Variants in USP53 observed in about 807,000 individuals in gnomAD.
The protein encoded by USP53 is ubiquitin specific peptidase 53.
USP53 carries 71 observed loss-of-function variants against 94.9 expected under a neutral mutation model. The observed-to-expected ratio is 0.75, with a 90% CI of 0.62 to 0.91. The LOEUF (loss-of-function observed/expected upper bound fraction) is 0.91, where lower values mean the gene tolerates loss of function less well. Ranked by LOEUF, USP53 falls within the 40% of genes least tolerant of loss-of-function variation. The pLI, the probability that USP53 is intolerant of heterozygous loss-of-function variation, is 0.00. For synonymous variants in USP53, 375 were observed against 422.7 expected, an observed-to-expected ratio of 0.89 and a Z score of 1.39; for missense variants, 1,173 against 1,281.0, an observed-to-expected ratio of 0.92 and a Z score of 1.29.
At position 119,252,115 on chromosome 4, in the gene USP53, T is replaced by A. The variant is rs532068925; in HGVS notation, c.372+3233T>A. On this transcript the variant is annotated intron_variant, in intron 7 of 18. Coordinates refer to ENST00000692078, the MANE Select transcript of USP53 (RefSeq NM_001371395.1). The stretch of plus-strand genomic sequence containing the variant: ...ATCATGGCGGATAAGCTTTTTGATG[T>A]GCTGCTGGATTCGGTTTGCCAGAAT... Among the ~76,000 whole-genome samples the A allele has an allele frequency of 3.3e-5, 5 of 152,344 alleles. No homozygotes were observed. The East Asian group carries it at 5.8e-4, about 18-fold the overall frequency.
intron 17 of USP53, among the ~76,000 whole-genome samples, chr4:119,279,632 G>C (rs1177119310): frequency 6.6e-6 from 1 of 151,560 alleles, no homozygotes; most frequent in Non-Finnish European, 1.5e-5. Context: ...GCTCCACCCA[G>C]TTCGAGCTTC....
At chr4:119,231,498 T>A (rs2149301002) in intron 3 of USP53, among the ~76,000 whole-genome samples, 1 of 152,258 alleles carries the variant, frequency 6.6e-6, no homozygotes, top group Non-Finnish European at 1.5e-5. Flanking sequence ...ACCAACAGTA[T>A]TTTAATATTT....
intron 17 of USP53, among the ~76,000 whole-genome samples, chr4:119,284,375 T>G (rs1753850144): frequency 6.6e-6 from 1 of 151,734 alleles, no homozygotes; most frequent in Non-Finnish European, 1.5e-5. Flanking sequence ...TTTCCATTAA[T>G]AGAGATATTA....
In USP53 at chr4:119,294,107, T is replaced by G. The variant is rs1755053267; in HGVS notation, c.*896T>G. ...TTATATGAAATGTGAAAGGTCTTTA[T>G]TTTGGTTTGGTTTACTTTGGGCTGC... On this transcript the variant is annotated 3_prime_UTR_variant, in exon 19 of 19. Transcript: ENST00000692078. The G allele has an allele frequency of 6.6e-6, 1 of 152,088 alleles. No individual in the cohort carries two copies. The highest frequency in any genetic ancestry group is 2.4e-5 in the African/African-American group (1 of 41,440). The allele number at this position is 152,088 out of a possible 1,614,324, so 9.4% of individuals were successfully genotyped here.
At chr4:119,279,369 G>A (rs1174290789) in intron 17 of USP53, among the ~76,000 whole-genome samples, 11 of 150,072 alleles carry the variant, frequency 7.3e-5, no homozygotes, top group African/African-American at 9.9e-5. Context: ...CGTGTGAGGT[G>A]TCAGTGTGCC....
At chr4:119,241,351 C>T (rs1341973223) in intron 5 of USP53, among the ~76,000 whole-genome samples, 1 of 152,156 alleles carries the variant, frequency 6.6e-6, no homozygotes, top group African/African-American at 2.4e-5. Context: ...CATAGATCCA[C>T]ATTCCATCTG....
intron 17 of USP53, among the ~76,000 whole-genome samples, chr4:119,288,752 T>C (rs557112116): frequency 5.3e-5 from 8 of 151,908 alleles, no homozygotes; most frequent in Non-Finnish European, 1.2e-4. Flanking sequence ...GCCTGACCAA[T>C]ATGAAGAAAC....
chr4:119,220,370 GA>G (rs2149263929), intron 3 of USP53: 1 of 152,250 alleles, frequency 6.6e-6, no homozygotes, highest in South Asian at 2.1e-4. Flanking sequence ...AAATTGTATT[GA>G]GATATTCAGT....
intron 17 of USP53, among the ~76,000 whole-genome samples, chr4:119,288,664 C>T (rs1299301012): frequency 1.3e-5 from 2 of 152,132 alleles, no homozygotes; most frequent in African/African-American, 2.4e-5. Context: ...CAGCCGGGCA[C>T]GGTGGCTGAC....
At chr4:119,234,626 A>G (rs1196269984) in intron 3 of USP53, among the ~76,000 whole-genome samples, 3 of 152,202 alleles carry the variant, frequency 2.0e-5, no homozygotes, top group Admixed American at 2.0e-4. Flanking sequence ...AAAATGTACT[A>G]CCAATATAGA....
chr4:119,229,908 CT>C (rs1357631445), intron 3 of USP53, among the ~76,000 whole-genome samples: 9 of 152,174 alleles, frequency 5.9e-5, no homozygotes, highest in Admixed American at 5.9e-4. Flanking sequence ...GATCTGACCC[CT>C]GGTTCTGTCT....
intron 2 of USP53, among the ~76,000 whole-genome samples, chr4:119,215,717 A>G (rs1743645961): frequency 1.3e-5 from 2 of 152,160 alleles, no homozygotes; most frequent in South Asian, 4.1e-4. Context: ...TGTCCATGAT[A>G]CAAGAAAAGG....
intron 17 of USP53, among the ~76,000 whole-genome samples, chr4:119,274,301 T>C (rs1220991235): frequency 7.3e-6 from 1 of 137,182 alleles, no homozygotes; most frequent in East Asian, 2.2e-4. Flanking sequence ...CCTGTGTCCA[T>C]GTGATCTCAT....
Position 119,267,325 on chromosome 4 carries a change from A to G in USP53, c.978A>G (p.Gly326=), listed in dbSNP as rs762406584. 5 of 1,613,048 alleles carry G rather than the reference A, an allele frequency of 3.1e-6. No homozygotes were observed. The South Asian group carries it at 5.5e-5, about 18-fold the overall frequency. The change falls in exon 13 of 19, where the codon GGA becomes GGG. Residue 326 remains glycine, a synonymous_variant. Coordinates refer to ENST00000692078, the MANE Select transcript of USP53 (RefSeq NM_001371395.1). ...TCATTGTGTTTTTTTAAAAGATTGGAACTAGATGGAAAGATGTTGTCTCCA... is the reference window on the plus strand; with the variant it reads ...TCATTGTGTTTTTTTAAAAGATTGGGACTAGATGGAAAGATGTTGTCTCCA... ...FFDDANVKEI[G]TRWKDVVSKC...
intron 14 of USP53, 61 bp downstream of exon 14, chr4:119,268,481 A>T: frequency 7.0e-7 from 1 of 1,436,026 alleles, no homozygotes; most frequent in South Asian, 1.5e-5. Flanking sequence ...TTCTTCACTT[A>T]TCGGAGGATG....
chr4:119,222,349 A>G (rs977427870), intron 3 of USP53, among the ~76,000 whole-genome samples: 17 of 152,186 alleles, frequency 1.1e-4, no homozygotes, highest in African/African-American at 2.9e-4. Flanking sequence ...GAAATATACA[A>G]TACATTACTG....
chr4:119,271,573 C>G lies in USP53; in HGVS notation c.1713C>G (p.Asn571Lys). The stretch of plus-strand genomic sequence containing the variant: ...GCCAAGATTCTAGGGATAGAGGAAA[C>G]AGCTGTGATAGCAGCAGTAAAAGCC... Reference protein sequence around the residue: ...DSSQDSRDRGNSCDSSSKSRN... With the variant: ...DSSQDSRDRGKSCDSSSKSRN... The change falls in exon 16 of 19, where the codon AAC becomes AAG. Residue 571 changes from asparagine (N) to lysine (K), a missense_variant. Asn to Lys is a moderately conservative substitution (Grantham distance 94). Coordinates refer to ENST00000692078, the MANE Select transcript of USP53 (RefSeq NM_001371395.1). 6.2e-7 allele frequency: 1 copy of G among 1,613,682 alleles called. No individual in the cohort carries two copies. The highest frequency in any genetic ancestry group is 8.5e-7 in the Non-Finnish European group (1 of 1,180,012).
Position 119,256,630 on chromosome 4 carries a change from C to G in USP53, c.569+107C>G, listed in dbSNP as rs542820976. The stretch of plus-strand genomic sequence containing the variant: ...GCATACATGAATTTCCCCTCTCTGT[C>G]TGAGGCTACCAAGTATGCTGCTGTG... On this transcript the variant is annotated intron_variant, in intron 9 of 18. Coordinates refer to ENST00000692078, the MANE Select transcript of USP53 (RefSeq NM_001371395.1). The G allele has an allele frequency of 2.1e-4, 238 of 1,125,118 alleles. 1 individual carries two copies. Among genetic ancestry groups the G allele is most frequent in the Admixed American group, 1.0e-3 (54 of 52,870 alleles). The allele number at this position is 1,125,118 out of a possible 1,614,324, so 69.7% of individuals were successfully genotyped here. A position where few individuals can be genotyped will look rare whatever the true frequency, so the allele number is the denominator to read the frequency against.
chr4:119,293,021 C>CA lies in USP53; in HGVS notation c.3033dup (p.Gly1012ArgfsTer4). 6.2e-7 allele frequency: 1 copy of CA among 1,614,144 alleles called. No homozygotes were observed. The highest frequency in any genetic ancestry group is 2.2e-5 in the East Asian group (1 of 44,888). Reference sequence around the variant, plus strand: ...TCAACTAACGATTTTCAGGCAAACTCAGGTGCCATTGATGCATTTTGCCAA... The same window carrying CA: ...TCAACTAACGATTTTCAGGCAAACTCAAGGTGCCATTGATGCATTTTGCCAA... On this transcript the variant is annotated frameshift_variant, in exon 19 of 19. Transcript: ENST00000692078. LOFTEE classifies it high-confidence loss of function.
Sources: gnomAD v4.1 joint callset for allele counts (sites outside exome capture counted in the v4.1 genomes callset) on GRCh38, gnomAD v4.1.1 for gene constraint, MANE v1.5 for transcripts, NCBI Gene and HGNC (gene_info 2026-07-23, HGNC 2026-07-21) for gene names.